The following CUX1 variants were observed in gnomAD, a reference collection of about 807,000 sequenced individuals.
CUX1 encodes the protein cut like homeobox 1, also known as protein CASP.
CUX1 carries 31 observed loss-of-function variants against 158.8 expected under a neutral mutation model. That is an observed-to-expected ratio of 0.20 (90% confidence interval 0.15 to 0.26). The LOEUF (loss-of-function observed/expected upper bound fraction) is 0.26. Among genes scored for constraint, CUX1 ranks in the 10% least tolerant of loss-of-function variants. The pLI is 1.00. For missense variants in CUX1, 1,589 were observed against 2,014.6 expected, an observed-to-expected ratio of 0.79 and a Z score of 4.04; for synonymous variants, 879 against 862.1, an observed-to-expected ratio of 1.02 and a Z score of -0.34.
rs1182104496 is a variant in CUX1, at chr7:102,257,496, TATAAA to T, written c.*8461_*8465del. The T allele has an allele frequency of 4.1e-6, 4 of 985,262 alleles. No homozygotes were observed. In the African/African-American group the frequency reaches 5.2e-5, roughly 13 times the overall value. The allele number at this position is 985,262 out of a possible 1,614,324, so 61.0% of individuals were successfully genotyped here. A position where few individuals can be genotyped will look rare whatever the true frequency, so the allele number is the denominator to read the frequency against. On this transcript the variant is annotated 3_prime_UTR_variant, in exon 24 of 24. Transcript: ENST00000292535. ...CTTAAAACATTGGAGAATAGCTTGT[TATAAA>T]ATAAAAGTGGGGGTAAAAAGAAGGT...
intron 1 of CUX1, among the ~76,000 whole-genome samples, chr7:101,904,289 G>GACCCT (rs1344130184): frequency 6.6e-6 from 1 of 152,150 alleles, no homozygotes; most frequent in Non-Finnish European, 1.5e-5. Flanking sequence ...AACACAGTGA[G>GACCCT]ACCCTGTCTC....
chr7:101,939,949 C>T (rs1448258007), intron 2 of CUX1, among the ~76,000 whole-genome samples: 1 of 151,982 alleles, frequency 6.6e-6, no homozygotes, highest in African/African-American at 2.4e-5. Flanking sequence ...GGCATGGTAG[C>T]GGGAACCTGT....
intron 20 of CUX1, among the ~76,000 whole-genome samples, chr7:102,212,617 G>A (rs1318993619): frequency 2.6e-5 from 4 of 151,974 alleles, no homozygotes; most frequent in Non-Finnish European, 5.9e-5. Context: ...TTAAGAAATC[G>A]GTCACCATCC....
At chr7:102,051,939 C>T (rs28502241) in intron 3 of CUX1, among the ~76,000 whole-genome samples, 21,882 of 152,134 alleles carry the variant, frequency 0.14, 1,649 homozygotes, top group Middle Eastern at 0.21. Flanking sequence ...TGGCCGGGCG[C>T]GGTGGCTCAC....
intron 2 of CUX1, among the ~76,000 whole-genome samples, chr7:102,006,330 C>T (rs1817374049): frequency 1.3e-5 from 2 of 152,106 alleles, no homozygotes; most frequent in South Asian, 4.2e-4. Flanking sequence ...CCTCAGTGCT[C>T]CCTCGAAGGA....
At chr7:101,908,437 C>T (rs528583216) in intron 1 of CUX1, among the ~76,000 whole-genome samples, 107 of 145,202 alleles carry the variant, frequency 7.4e-4, no homozygotes, top group African/African-American at 2.5e-3. Flanking sequence ...TGAACCACTG[C>T]GCCCAGCCTG....
intron 2 of CUX1, among the ~76,000 whole-genome samples, chr7:102,022,123 G>A (rs534668988): frequency 2.6e-5 from 4 of 152,262 alleles, no homozygotes; most frequent in African/African-American, 9.6e-5. Context: ...TCCAGAGAGG[G>A]CTCGGGAGTG....
chr7:102,005,088 T>TGGGTCCCACTCCTGCCC (rs550954283), intron 2 of CUX1, among the ~76,000 whole-genome samples: 52 of 152,300 alleles, frequency 3.4e-4, no homozygotes, highest in African/African-American at 1.2e-3. Flanking sequence ...TCCCCCTGTT[T>TGGGTCCCACTCCTGCCC]GGGTCCCACT....
At chr7:102,013,466 A>G (rs1331980425) in intron 2 of CUX1, among the ~76,000 whole-genome samples, 1 of 152,180 alleles carries the variant, frequency 6.6e-6, no homozygotes, top group Admixed American at 6.5e-5. Flanking sequence ...TTCAGAAGAA[A>G]ATTCCAGGAC....
chr7:101,844,708 C>A (rs572153544), intron 1 of CUX1, among the ~76,000 whole-genome samples: 1 of 152,156 alleles, frequency 6.6e-6, no homozygotes, highest in Admixed American at 6.6e-5. Context: ...CTCCGCCTCC[C>A]GGGTTCAAGT....
At chr7:101,978,089 G>A (rs1048736642) in intron 2 of CUX1, among the ~76,000 whole-genome samples, 15 of 151,892 alleles carry the variant, frequency 9.9e-5, no homozygotes, top group African/African-American at 3.6e-4. Context: ...TAAGTCTCGG[G>A]GACCTGCCCT....
At chr7:101,964,431 A>G (rs1810892415) in intron 2 of CUX1, among the ~76,000 whole-genome samples, 1 of 152,154 alleles carries the variant, frequency 6.6e-6, no homozygotes, top group Non-Finnish European at 1.5e-5. Flanking sequence ...TTTAGCTATC[A>G]TTATTGCTGT....
intron 11 of CUX1, among the ~76,000 whole-genome samples, chr7:102,189,420 A>C (rs1554516315): frequency 2.3e-4 from 26 of 111,164 alleles, no homozygotes; most frequent in Admixed American, 3.3e-4. Flanking sequence ...TAGGGTCTCC[A>C]CTCCTCACTC....
intron 2 of CUX1, among the ~76,000 whole-genome samples, chr7:101,995,905 G>A (rs1815803304): frequency 6.6e-6 from 1 of 152,044 alleles, no homozygotes; most frequent in African/African-American, 2.4e-5. Context: ...CTGAGGTCAG[G>A]GGTCCAAGAC....
intron 2 of CUX1, among the ~76,000 whole-genome samples, chr7:102,005,155 G>A (rs1165235557): frequency 6.6e-6 from 1 of 152,114 alleles, no homozygotes; most frequent in Non-Finnish European, 1.5e-5. Flanking sequence ...GGAGTCGGGG[G>A]TTTTGCTGTG....
At chr7:101,973,319 T>G (rs1725015798) in intron 2 of CUX1, among the ~76,000 whole-genome samples, 1 of 152,068 alleles carries the variant, frequency 6.6e-6, no homozygotes, top group South Asian at 2.1e-4. Context: ...TGGACTCATC[T>G]CACACTCACG....
intron 1 of CUX1, among the ~76,000 whole-genome samples, chr7:101,906,682 T>G (rs1239230028): frequency 6.6e-6 from 1 of 152,162 alleles, no homozygotes; most frequent in Non-Finnish European, 1.5e-5. Context: ...GAAGGGTGCC[T>G]CCTTCTCTGC....
At chr7:102,087,108 T>C (rs558997456) in intron 4 of CUX1, among the ~76,000 whole-genome samples, 16 of 152,374 alleles carry the variant, frequency 1.1e-4, no homozygotes, top group Non-Finnish European at 1.9e-4. Flanking sequence ...TGTTAGATCA[T>C]TTACATTTAA....
At chr7:102,080,222 C>A (rs1292429888) in intron 4 of CUX1, among the ~76,000 whole-genome samples, 1 of 152,200 alleles carries the variant, frequency 6.6e-6, no homozygotes, top group Non-Finnish European at 1.5e-5. Context: ...GACTTGGGGA[C>A]TCCTCCTCGG....
Sources: allele counts gnomAD v4.1 joint callset (sites outside exome capture counted in the v4.1 genomes callset), GRCh38; gene constraint gnomAD v4.1.1; transcripts MANE v1.5; gene names NCBI Gene and HGNC (gene_info 2026-07-23, HGNC 2026-07-21).